The following MUC12 variants were observed in gnomAD, a reference collection of about 807,000 sequenced individuals.
The protein encoded by MUC12 is mucin-12.
MUC12 carries 172 observed loss-of-function variants against 230.8 expected under a neutral mutation model. The observed-to-expected ratio is 0.75, with a 90% CI of 0.66 to 0.85. The LOEUF is 0.85. Ranked by LOEUF, MUC12 falls within the 40% of genes least tolerant of loss-of-function variation. The pLI, the probability that MUC12 is intolerant of heterozygous loss-of-function variation, is 0.00. For missense variants in MUC12, 3,506 were observed against 5,920.6 expected (o/e 0.59, Z 13.38); for synonymous variants, 1,259 against 2,401.9 (o/e 0.52, Z 13.91).
At chr7:101,013,803 G>A (rs141024378) in intron 8 of MUC12, 110 bp from the exon 9 acceptor site, 31 of 1,285,108 alleles carry the variant, frequency 2.4e-5, no homozygotes, top group Middle Eastern at 2.4e-4. Flanking sequence ...AGCTCCAGCC[G>A]TTGGAGTGAG....
At position 100,990,865 on chromosome 7, in the gene MUC12, C is replaced by T. The variant is rs376562174; in HGVS notation, c.302C>T (p.Ala101Val). 1 of 1,537,880 alleles carries T rather than the reference C, an allele frequency of 6.5e-7. No individual in the cohort carries two copies. Among genetic ancestry groups the T allele is most frequent in the Non-Finnish European group, 8.7e-7 (1 of 1,147,040 alleles). The change falls in exon 2 of 12, where the codon GCA becomes GTA. Residue 101 changes from alanine (A) to valine (V), a missense_variant. By Grantham distance (64) the Ala-to-Val change is moderately conservative. Transcript: ENST00000536621. ...ACAACACTCTTCCCTTCCCACTCTG[C>T]AACCTCAGTTTTTGTTGGAGAACCT... ...TGTTLFPSHS[A>V]TSVFVGEPKT...
intron 8 of MUC12, 28 bp from the exon 9 acceptor site, chr7:101,013,885 A>AT: frequency 6.6e-7 from 1 of 1,518,452 alleles, no homozygotes; most frequent in East Asian, 2.5e-5. Context: ...ATCCCAGGGG[A>AT]TCAGCGTGAG....
rs751804399 is a variant in MUC12 at position 101,013,026 on chromosome 7, T to C, written c.15522T>C (p.Tyr5174=). ...KAAEGYTQFY[Y]VDVLDGKLAC... is the part of the protein sequence containing the mutation. ...CCGAAGGATATACCCAGTTCTACTA[T>C]GTGGATGTCTTGGATGGGAAGCTGG... The change falls in exon 8 of 12, where the codon TAT becomes TAC. Residue 5174 remains tyrosine (Y), a synonymous_variant. Transcript: ENST00000536621. 6 of 1,537,230 alleles carry C rather than the reference T, an allele frequency of 3.9e-6. No individual in the cohort carries two copies. The highest frequency in any genetic ancestry group is 1.4e-5 in the African/African-American group (1 of 73,038).
At chr7:101,013,599 C>T (rs1298985770) in intron 8 of MUC12, among the ~76,000 whole-genome samples, 1 of 152,192 alleles carries the variant, frequency 6.6e-6, no homozygotes, top group Non-Finnish European at 1.5e-5. Flanking sequence ...ACCATGATAA[C>T]AGGCCCATTT....
chr7:101,013,659 C>T (rs1209861903), intron 8 of MUC12, among the ~76,000 whole-genome samples: 6 of 152,096 alleles, frequency 3.9e-5, no homozygotes, highest in South Asian at 2.1e-4. Context: ...GTGTCTGGGA[C>T]GAGACACCCA....
In MUC12 at chr7:100,995,627, C is replaced by T. The variant is rs1308942343; in HGVS notation, c.5064C>T (p.Thr1688=). 4.0e-5 allele frequency: 62 copies of T among 1,536,916 alleles called. No individual in the cohort carries two copies. Among genetic ancestry groups the T allele is most frequent in the Non-Finnish European group, 5.4e-5 (62 of 1,147,038 alleles). ...GSTTRQGEST[T]FQSWPSSKDT... is the part of the protein sequence containing the mutation. ...CAACACGTCAGGGAGAATCTACCAC[C>T]TTCCAGAGCTGGCCAAGCTCAAAGG... is the stretch of plus-strand genomic sequence containing the variant. The change falls in exon 2 of 12, where the codon ACC becomes ACT. Residue 1688 remains threonine, a synonymous_variant. Coordinates refer to ENST00000536621, the MANE Select transcript of MUC12 (RefSeq NM_001164462.2).
intron 1 of MUC12, among the ~76,000 whole-genome samples, chr7:100,985,023 C>G (rs556417207): frequency 6.6e-6 from 1 of 151,994 alleles, no homozygotes; most frequent in Non-Finnish European, 1.5e-5. Flanking sequence ...CCCGCCACCA[C>G]GCCTGGCTAA....
chr7:100,992,001 T>A lies in MUC12; in HGVS notation c.1438T>A (p.Leu480Ile). 6.5e-7 allele frequency: 1 copy of A among 1,537,946 alleles called. No homozygotes were observed. The highest frequency in any genetic ancestry group is 1.2e-5 in the South Asian group (1 of 84,066). ...TTCAGGCTCAATGGAAACCACAGCGTTACCCGGCAGTACCACAAAACCAGG... is the reference window on the plus strand; with the variant it reads ...TTCAGGCTCAATGGAAACCACAGCGATACCCGGCAGTACCACAAAACCAGG... ...ISSGSMETTA[L>I]PGSTTKPGLS... is the part of the protein sequence containing the mutation. Residue 480 changes from leucine to isoleucine, a missense_variant, in exon 2 of 12, where the codon TTA becomes ATA. By Grantham distance (5) the Leu-to-Ile change is conservative. Coordinates refer to ENST00000536621, the MANE Select transcript of MUC12 (RefSeq NM_001164462.2).
At position 100,995,653 on chromosome 7, in the gene MUC12, A is replaced by T. The variant is rs1793463054; in HGVS notation, c.5090A>T (p.Asp1697Val). The part of the protein sequence containing the change: ...TTFQSWPSSK[D>V]TMPAPPTTTS... ...TTCCAGAGCTGGCCAAGCTCAAAGG[A>T]CACTATGCCTGCACCTCCTACTACC... The change falls in exon 2 of 12, where the codon GAC (aspartate) becomes GTC (valine). Residue 1697 changes from aspartate (D) to valine (V), a missense_variant. Coordinates refer to ENST00000536621, the MANE Select transcript of MUC12 (RefSeq NM_001164462.2). 2 of 1,537,122 alleles carry T rather than the reference A, an allele frequency of 1.3e-6. No individual in the cohort carries two copies. Among genetic ancestry groups the T allele is most frequent in the Non-Finnish European group, 8.7e-7 (1 of 1,147,058 alleles).
Position 100,969,595 on chromosome 7 carries a change from G to A in MUC12, c.-28G>A, listed in dbSNP as rs1363615056. On this transcript the variant is annotated 5_prime_UTR_variant, in exon 1 of 12. An upstream start codon of the reference 5' UTR is lost. Transcript: ENST00000536621. ...TTGGTCCCTCCTGATGAGAGAAGAT[G>A]GGCAGCCAGGGGCCCGTTCCCCGGG... 3.4e-5 allele frequency: 53 copies of A among 1,537,152 alleles called. No homozygotes were observed. Among genetic ancestry groups the A allele is most frequent in the Non-Finnish European group, 4.4e-5 (50 of 1,146,704 alleles).
chr7:101,018,930 A>C lies in MUC12; in HGVS notation c.*294A>C. ...TCCCTACCAATAAAAGCAAATCTGA[A>C]AGCTCAGAATGAGAAGTGAGAGGTT... is the stretch of plus-strand genomic sequence containing the variant. On this transcript the variant is annotated 3_prime_UTR_variant, in exon 12 of 12. Transcript: ENST00000536621. 1 of 397,136 alleles carries C rather than the reference A, an allele frequency of 2.5e-6. No individual in the cohort carries two copies. The highest frequency in any genetic ancestry group is 4.5e-6 in the Non-Finnish European group (1 of 224,156). The allele number at this position is 397,136 out of a possible 1,614,324, so 24.6% of individuals were successfully genotyped here. A position where few individuals can be genotyped will look rare whatever the true frequency, so the allele number is the denominator to read the frequency against.
intron 9 of MUC12, 59 bp downstream of exon 9, chr7:101,014,133 CA>C: frequency 6.9e-7 from 1 of 1,457,568 alleles, no homozygotes; most frequent in Non-Finnish European, 9.1e-7. Context: ...CTGGGGTGGC[CA>C]CTGTCTGAAT....
At position 100,991,084 on chromosome 7, in the gene MUC12, C is replaced by G; in HGVS notation, c.521C>G (p.Pro174Arg). The G allele has an allele frequency of 6.5e-7, 1 of 1,537,654 alleles. No homozygotes were observed. Among genetic ancestry groups the G allele is most frequent in the South Asian group, 1.2e-5 (1 of 84,054 alleles). Residue 174 changes from proline (P) to arginine (R), a missense_variant, in exon 2 of 12, where the codon CCA (proline) becomes CGA (arginine). Coordinates refer to ENST00000536621, the MANE Select transcript of MUC12 (RefSeq NM_001164462.2). ...ACCACCTCCCACAGCCGACCAGGCC[C>G]AACGCACACAATAGCGTTCCCTGAC... The part of the protein sequence containing the change: ...KSTTSHSRPG[P>R]THTIAFPDST...
intron 1 of MUC12, among the ~76,000 whole-genome samples, chr7:100,970,555 GAAGA>G (rs927557248): frequency 7.2e-4 from 109 of 151,532 alleles, no homozygotes; most frequent in Middle Eastern, 3.4e-3. Context: ...AAAAAGAAAG[GAAGA>G]AAGAAAGAAA....
At chr7:101,007,107 G>C (rs901169028) in intron 3 of MUC12, among the ~76,000 whole-genome samples, 1 of 151,956 alleles carries the variant, frequency 6.6e-6, no homozygotes, top group African/African-American at 2.4e-5. Context: ...TAGAGGCATG[G>C]GCCACCATGC....
At position 100,992,304 on chromosome 7, in the gene MUC12, C is replaced by A; in HGVS notation, c.1741C>A (p.His581Asn). 1 of 1,536,846 alleles carries A rather than the reference C, an allele frequency of 6.5e-7. No individual in the cohort carries two copies. Among genetic ancestry groups the A allele is most frequent in the Non-Finnish European group, 8.7e-7 (1 of 1,146,160 alleles). Reference sequence around the variant, plus strand: ...CCTTGGTCCAGAATATACTACCTTCCACAGCCGCCCAGGCTCCACTGAAAC... The same window carrying A: ...CCTTGGTCCAGAATATACTACCTTCAACAGCCGCCCAGGCTCCACTGAAAC... ...SSLGPEYTTFHSRPGSTETTL... is the reference protein window; with the variant it reads ...SSLGPEYTTFNSRPGSTETTL... Residue 581 changes from histidine (H) to asparagine (N), a missense_variant, in exon 2 of 12, where the codon CAC becomes AAC. His to Asn is a moderately conservative substitution (Grantham distance 68). Coordinates refer to ENST00000536621, the MANE Select transcript of MUC12 (RefSeq NM_001164462.2).
At position 101,004,665 on chromosome 7, in the gene MUC12, A is replaced by G. The variant is rs1358113749; in HGVS notation, c.14102A>G (p.His4701Arg). 5 of 1,537,148 alleles carry G rather than the reference A, an allele frequency of 3.3e-6. No individual in the cohort carries two copies. The highest frequency in any genetic ancestry group is 2.4e-5 in the East Asian group (1 of 40,912). Residue 4701 changes from histidine to arginine, a missense_variant, in exon 2 of 12, where the codon CAT (histidine) becomes CGT (arginine). Transcript: ENST00000536621. ...DTNGITPLPA[H>R]FTTSGRIAES... ...AATGGAATCACACCCTTACCTGCCC[A>G]TTTTACTACCTCAGGCCGCATTGCA...
At position 100,990,616 on chromosome 7, in the gene MUC12, T is replaced by C. The variant is rs966577996; in HGVS notation, c.68-15T>C. ...ATAAATCATAGCACTTTCTCTGGTT[T>C]CTCTCAAATCACAGGCTCAACAGTA... On this transcript the variant is annotated splice_polypyrimidine_tract_variant and intron_variant, in intron 1 of 11. Transcript: ENST00000536621. 6.5e-7 allele frequency: 1 copy of C among 1,537,178 alleles called. No homozygotes were observed. The highest frequency in any genetic ancestry group is 8.7e-7 in the Non-Finnish European group (1 of 1,146,886).
chr7:100,974,918 G>C (rs1231747919), intron 1 of MUC12, among the ~76,000 whole-genome samples: 1 of 152,306 alleles, frequency 6.6e-6, no homozygotes, highest in Non-Finnish European at 1.5e-5. Context: ...GTTTGAAAGA[G>C]GCCTCTTGAG....
Sources: gnomAD v4.1 joint callset for allele counts (sites outside exome capture counted in the v4.1 genomes callset) on GRCh38, gnomAD v4.1.1 for gene constraint, MANE v1.5 for transcripts, NCBI Gene and HGNC (gene_info 2026-07-23, HGNC 2026-07-21) for gene names.